PHLPP1: variants seen among roughly 807,000 people sequenced by gnomAD.
PHLPP1 encodes PH domain and leucine rich repeat protein phosphatase 1, also known as PH domain leucine-rich repeat-containing protein phosphatase 1.
A neutral mutation model predicts 117.2 loss-of-function variants in PHLPP1; 42 were observed. That is an observed-to-expected ratio of 0.36 (90% CI 0.28 to 0.46). The LOEUF (loss-of-function observed/expected upper bound fraction) is 0.46, where lower values mean the gene tolerates loss of function less well. Ranked by LOEUF, PHLPP1 falls within the 20% of genes least tolerant of loss-of-function variation. PHLPP1 has a pLI of 1.00. For synonymous variants in PHLPP1, 1,042 were observed against 970.7 expected, an observed-to-expected ratio of 1.07 and a Z score of -1.37; for missense variants, 2,084 against 2,241.9, an observed-to-expected ratio of 0.93 and a Z score of 1.42.
At chr18:62,948,708 G>T (rs1052747515) in intron 12 of PHLPP1, among the ~76,000 whole-genome samples, 1 of 151,030 alleles carries the variant, frequency 6.6e-6, no homozygotes, top group Non-Finnish European at 1.5e-5. Flanking sequence ...TTTAGGGTAC[G>T]TGTGCACTGA....
At chr18:62,937,514 T>C (rs562408412) in intron 10 of PHLPP1, among the ~76,000 whole-genome samples, 3 of 152,356 alleles carry the variant, frequency 2.0e-5, no homozygotes, top group Admixed American at 2.0e-4. Flanking sequence ...AAGGTTTTTA[T>C]AATTATTTTT....
chr18:62,871,194 T>C (rs1915891910), intron 4 of PHLPP1, among the ~76,000 whole-genome samples: 1 of 152,182 alleles, frequency 6.6e-6, no homozygotes, highest in African/African-American at 2.4e-5. Context: ...GAATATATTT[T>C]TTCCCCCATG....
At chr18:62,756,350 C>A (rs1435515094) in intron 1 of PHLPP1, among the ~76,000 whole-genome samples, 1 of 152,204 alleles carries the variant, frequency 6.6e-6, no homozygotes, top group Non-Finnish European at 1.5e-5. Flanking sequence ...AAGGATAGTC[C>A]TGCCATGTGC....
intron 1 of PHLPP1, among the ~76,000 whole-genome samples, chr18:62,813,966 T>TC (rs1914194476): frequency 6.6e-6 from 1 of 152,146 alleles, no homozygotes; most frequent in Non-Finnish European, 1.5e-5. Context: ...ATTTTTTTTT[T>TC]CCTTTTTAAT....
intron 1 of PHLPP1, among the ~76,000 whole-genome samples, chr18:62,741,312 A>C (rs1345895041): frequency 1.3e-5 from 2 of 152,230 alleles, no homozygotes; most frequent in Non-Finnish European, 2.9e-5. Flanking sequence ...TTTGTGTTCA[A>C]AAGTCACTGA....
chr18:62,935,901 G>T (rs1810503648), intron 10 of PHLPP1, among the ~76,000 whole-genome samples: 1 of 152,152 alleles, frequency 6.6e-6, no homozygotes, highest in Admixed American at 6.5e-5. Flanking sequence ...TACTTGGGAG[G>T]CTGAGACAGG....
chr18:62,814,096 A>T (rs143358304), intron 1 of PHLPP1, among the ~76,000 whole-genome samples: 1 of 152,162 alleles, frequency 6.6e-6, no homozygotes, highest in African/African-American at 2.4e-5. Context: ...GAATTTAGAG[A>T]TTATCAAAAG....
At chr18:62,852,526 G>A (rs1915383202) in intron 3 of PHLPP1, among the ~76,000 whole-genome samples, 1 of 152,016 alleles carries the variant, frequency 6.6e-6, no homozygotes, top group South Asian at 2.1e-4. Flanking sequence ...TGTATTTTTA[G>A]TAGAGACGGG....
At chr18:62,765,487 A>G (rs1408835824) in intron 1 of PHLPP1, among the ~76,000 whole-genome samples, 1 of 152,196 alleles carries the variant, frequency 6.6e-6, no homozygotes, top group African/African-American at 2.4e-5. Context: ...ATGCATTGGT[A>G]CCTTTATTGG....
At chr18:62,887,409 G>A (rs919411388) in intron 4 of PHLPP1, among the ~76,000 whole-genome samples, 4 of 152,140 alleles carry the variant, frequency 2.6e-5, no homozygotes, top group African/African-American at 9.7e-5. Flanking sequence ...GTCTGTTTGG[G>A]CTGCTATATC....
At chr18:62,892,708 C>CT (rs1916457844) in intron 4 of PHLPP1, among the ~76,000 whole-genome samples, 1 of 151,474 alleles carries the variant, frequency 6.6e-6, no homozygotes, top group Non-Finnish European at 1.5e-5. Flanking sequence ...AACCCCGTCT[C>CT]TAATAAAAAT....
At chr18:62,916,954 A>G (rs571064680) in intron 9 of PHLPP1, among the ~76,000 whole-genome samples, 4 of 149,796 alleles carry the variant, frequency 2.7e-5, no homozygotes, top group Admixed American at 6.7e-5. Context: ...GGGTTTCACT[A>G]TGTTGACCAG....
intron 8 of PHLPP1, among the ~76,000 whole-genome samples, chr18:62,914,249 C>G (rs1348319523): frequency 6.6e-6 from 1 of 152,014 alleles, no homozygotes; most frequent in Non-Finnish European, 1.5e-5. Flanking sequence ...TGTAAAAATA[C>G]AAATTTGAAA....
chr18:62,716,183 T>C lies in PHLPP1; in HGVS notation c.500T>C (p.Leu167Pro), dbSNP rs1247233791. Reference sequence around the variant, plus strand: ...GCCTCCTGCTCGGCCTCGGCGTCGCTGTGCACCCGGAGCCTGGACAGGAAG... The same window carrying C: ...GCCTCCTGCTCGGCCTCGGCGTCGCCGTGCACCCGGAGCCTGGACAGGAAG... The part of the protein sequence containing the change: ...LPASCSASAS[L>P]CTRSLDRKTL... The change falls in exon 1 of 17, where the codon CTG becomes CCG. Residue 167 changes from leucine (L) to proline (P), a missense_variant. This residue lies in a region of PHLPP1 where 719 missense variants were observed against 636.0 expected (regional missense o/e 1.13). Transcript: ENST00000262719. This position sits in a 1 kb window ranked among gnomAD's most constrained non-coding sequence, Gnocchi z 5.7. 1 of 1,520,728 alleles carries C rather than the reference T, an allele frequency of 6.6e-7. No individual in the cohort carries two copies. The highest frequency in any genetic ancestry group is 1.4e-5 in the African/African-American group (1 of 70,968). The allele number at this position is 1,520,728 out of a possible 1,614,324, so 94.2% of individuals were successfully genotyped here.
At chr18:62,948,242 T>C (rs1328425528) in intron 12 of PHLPP1, among the ~76,000 whole-genome samples, 1 of 151,628 alleles carries the variant, frequency 6.6e-6, no homozygotes, top group African/African-American at 2.4e-5. Flanking sequence ...GGAGAATCAC[T>C]TGAACCCGAG....
intron 1 of PHLPP1, among the ~76,000 whole-genome samples, chr18:62,821,558 AAAAAAAAAAAAAAGAAAAGAAAAAAG>A (rs1914456679): frequency 2.0e-5 from 3 of 149,512 alleles, no homozygotes; most frequent in Admixed American, 2.0e-4. Context: ...CCAAAAAAAA[AAAAAAAAAAAAAAGAAAAGAAAAAAG>A]AAAAAGAAGA....
chr18:62,785,939 T>C (rs1003026351), intron 1 of PHLPP1, among the ~76,000 whole-genome samples: 1 of 152,230 alleles, frequency 6.6e-6, no homozygotes. Context: ...CATAGGTAGA[T>C]ACACATAGGG....
chr18:62,874,651 A>G (rs1426019718), intron 4 of PHLPP1, among the ~76,000 whole-genome samples: 5 of 134,092 alleles, frequency 3.7e-5, no homozygotes, highest in Admixed American at 7.4e-5. Context: ...GCGCGCACGC[A>G]CGCGCGCACA....
chr18:62,779,113 T>C (rs1913048822), intron 1 of PHLPP1, among the ~76,000 whole-genome samples: 1 of 152,202 alleles, frequency 6.6e-6, no homozygotes, highest in Admixed American at 6.5e-5. Flanking sequence ...CTCCTAGGCC[T>C]TCATGCTCAG....
Sources: gnomAD v4.1 joint callset for allele counts (sites outside exome capture counted in the v4.1 genomes callset) on GRCh38, gnomAD v4.1.1 for gene constraint, gnomAD v4.1.1 regional missense constraint, Gnocchi (gnomAD v3.1) non-coding constraint, MANE v1.5 for transcripts, NCBI Gene and HGNC (gene_info 2026-07-23, HGNC 2026-07-21) for gene names.